The following GLIS3 variants were observed in gnomAD, a reference collection of about 807,000 sequenced individuals.
The protein encoded by GLIS3 is zinc finger protein GLIS3.
GLIS3 carries 53 observed loss-of-function variants against 78.6 expected under a neutral mutation model. The ratio of observed to expected loss-of-function variants is 0.67; its 90% confidence interval spans 0.54 to 0.85. The LOEUF is 0.85. Among genes scored for constraint, GLIS3 ranks in the 40% least tolerant of loss-of-function variants. GLIS3 has a pLI of 0.00. For synonymous variants in GLIS3, 684 were observed against 509.9 expected (o/e 1.34, Z -4.60); for missense variants, 1,703 against 1,231.1 (o/e 1.38, Z -5.74).
the GLIS3 span, among the ~76,000 whole-genome samples, chr9:4,396,733 C>T: frequency 6.6e-6 from 1 of 152,142 alleles, no homozygotes; most frequent in African/African-American, 2.4e-5. Flanking sequence ...ATTTCACATA[C>T]GATTTCAGGA....
chr9:4,183,126 T>A (rs1197618972), intron 2 of GLIS3, among the ~76,000 whole-genome samples: 1 of 152,198 alleles, frequency 6.6e-6, no homozygotes, highest in African/African-American at 2.4e-5. Context: ...TATCTTTGGG[T>A]TGTTAAGGCA....
At chr9:3,840,843 T>C (rs939785550) in intron 9 of GLIS3, among the ~76,000 whole-genome samples, 1 of 152,180 alleles carries the variant, frequency 6.6e-6, no homozygotes. Context: ...GCTGGGTACT[T>C]TCTCCACTTG....
At chr9:3,952,892 G>C (rs10974256) in intron 4 of GLIS3, among the ~76,000 whole-genome samples, 4 of 151,896 alleles carry the variant, frequency 2.6e-5, no homozygotes, top group Admixed American at 6.5e-5. Context: ...GCCACACTTC[G>C]TTTAGCAAGG....
rs146515673 is a variant in GLIS3 at position 3,983,398 on chromosome 9, T to C, written c.1711-46209A>G. Among the ~76,000 whole-genome samples the C allele has an allele frequency of 8.7e-3, 1,321 of 152,208 alleles. 25 individuals carry two copies. Among genetic ancestry groups the C allele is most frequent in the African/African-American group, 0.031 (1,267 of 41,538 alleles). On this transcript the variant is annotated intron_variant, in intron 4 of 10. Coordinates refer to ENST00000381971, the MANE Select transcript of GLIS3 (RefSeq NM_001042413.2). ...CATGAGAACAGGCTCATACAGTAAA[T>C]TGGTACCAGCAGAGGGGGGCACTAC...
chr9:4,249,604 C>CTT (rs1290953849), intron 2 of GLIS3, among the ~76,000 whole-genome samples: 1 of 152,114 alleles, frequency 6.6e-6, no homozygotes, highest in Non-Finnish European at 1.5e-5. Flanking sequence ...TTTGAACACT[C>CTT]TTTCTTTCTT....
intron 9 of GLIS3, among the ~76,000 whole-genome samples, chr9:3,833,681 A>G: frequency 6.6e-6 from 1 of 152,220 alleles, no homozygotes; most frequent in Non-Finnish European, 1.5e-5. Context: ...GAGTGAGAAC[A>G]CATGCATTTA....
At chr9:4,458,001 G>A in the GLIS3 span, among the ~76,000 whole-genome samples, 1 of 152,168 alleles carries the variant, frequency 6.6e-6, no homozygotes, top group African/African-American at 2.4e-5. Context: ...ACTCAAAGCT[G>A]TTCAACACAA....
At chr9:4,260,430 G>A (rs1362476548) in intron 2 of GLIS3, among the ~76,000 whole-genome samples, 2 of 152,012 alleles carry the variant, frequency 1.3e-5, no homozygotes, top group Non-Finnish European at 2.9e-5. Flanking sequence ...AGCTTGGCGT[G>A]GTGGCAGGTG....
intron 2 of GLIS3, among the ~76,000 whole-genome samples, chr9:4,162,649 G>A (rs912593648): frequency 2.1e-4 from 32 of 151,998 alleles, no homozygotes; most frequent in African/African-American, 7.3e-4. Context: ...CACGAGGTCA[G>A]ATCGAGACCA....
At chr9:4,465,827 T>C in the GLIS3 span, among the ~76,000 whole-genome samples, 1 of 152,218 alleles carries the variant, frequency 6.6e-6, no homozygotes. Context: ...GGTAGATTAG[T>C]GCTCCTGCTA....
At chr9:4,459,187 A>T in the GLIS3 span, among the ~76,000 whole-genome samples, 2 of 152,344 alleles carry the variant, frequency 1.3e-5, no homozygotes, top group Middle Eastern at 3.4e-3. Context: ...ATGAAACTTG[A>T]ACCAGGTGGT....
At position 3,901,678 on chromosome 9, in the gene GLIS3, C is replaced by G. The variant is rs1355067344; in HGVS notation, c.1984-2843G>C. Reference sequence around the variant, plus strand: ...AAGGATATGAAAGTGGCACAGTGACCCTAAATACAGGGAAGGGACATTTAA... The same window carrying G: ...AAGGATATGAAAGTGGCACAGTGACGCTAAATACAGGGAAGGGACATTTAA... On this transcript the variant is annotated intron_variant, in intron 6 of 10. Coordinates refer to ENST00000381971, the MANE Select transcript of GLIS3 (RefSeq NM_001042413.2). Among the ~76,000 whole-genome samples, 3 of 152,100 alleles carry G rather than the reference C, an allele frequency of 2.0e-5. No homozygotes were observed. The East Asian group carries it at 5.8e-4, about 29-fold the overall frequency.
chr9:4,411,496 C>T, the GLIS3 span, among the ~76,000 whole-genome samples: 19 of 152,296 alleles, frequency 1.2e-4, no homozygotes, highest in South Asian at 3.7e-3. Context: ...TCACAGAAAA[C>T]TAGTAATCCC....
chr9:3,833,771 C>T lies in GLIS3; in HGVS notation c.2474-4279G>A, dbSNP rs116892582. Among the ~76,000 whole-genome samples the T allele has an allele frequency of 6.5e-3, 983 of 152,172 alleles. 10 individuals carry two copies. Among genetic ancestry groups the T allele is most frequent in the Non-Finnish European group, 0.011 (738 of 68,004 alleles). ...ATTATACATTTAATTTCAGAATCAC[C>T]CCTCTACTTTAAAAGTTATTTTGCC... On this transcript the variant is annotated intron_variant, in intron 9 of 10. Transcript: ENST00000381971.
In GLIS3 at chr9:3,965,332, T is replaced by C. The variant is rs573915417; in HGVS notation, c.1711-28143A>G. On this transcript the variant is annotated intron_variant, in intron 4 of 10. Coordinates refer to ENST00000381971, the MANE Select transcript of GLIS3 (RefSeq NM_001042413.2). ...CCTCAGCCTCCCGAATAGCTGGGAC[T>C]ACAGGCGCGAGCCACCACTCCTGGC... Among the ~76,000 whole-genome samples, 14 of 151,948 alleles carry C rather than the reference T, an allele frequency of 9.2e-5. No individual in the cohort carries two copies. The East Asian group carries it at 2.3e-3, about 25-fold the overall frequency.
chr9:4,454,293 C>A, the GLIS3 span, among the ~76,000 whole-genome samples: 3 of 152,140 alleles, frequency 2.0e-5, no homozygotes, highest in African/African-American at 4.8e-5. Flanking sequence ...GCATGAGCCA[C>A]CACAACTGGC....
chr9:4,353,108 G>A (rs1027608511), upstream of GLIS3, among the ~76,000 whole-genome samples: 4 of 152,120 alleles, frequency 2.6e-5, no homozygotes, highest in African/African-American at 4.8e-5. Flanking sequence ...GGATTCCTGG[G>A]TGAACAATAC....
chr9:4,066,479 C>T (rs1827108233), intron 4 of GLIS3, among the ~76,000 whole-genome samples: 1 of 152,164 alleles, frequency 6.6e-6, no homozygotes, highest in South Asian at 2.1e-4. Context: ...GGAGAAGCTC[C>T]CTGCCACTGC....
the GLIS3 span, among the ~76,000 whole-genome samples, chr9:4,354,737 GAC>G: frequency 6.6e-6 from 1 of 152,244 alleles, no homozygotes; most frequent in East Asian, 1.9e-4. Flanking sequence ...TTGATCAGAT[GAC>G]ACTCTCCCTC....
Sources: allele counts gnomAD v4.1 joint callset (sites outside exome capture counted in the v4.1 genomes callset), GRCh38; gene constraint gnomAD v4.1.1; transcripts MANE v1.5; gene names NCBI Gene and HGNC (gene_info 2026-07-23, HGNC 2026-07-21).